NIPAL2: variants seen among roughly 807,000 people sequenced by gnomAD.
The protein encoded by NIPAL2 is NIPA like domain containing 2, also known as NIPA-like protein 2.
Under a neutral mutation model 48.9 loss-of-function variants are expected in NIPAL2, and 43 were observed. That is an observed-to-expected ratio of 0.88 (90% CI 0.69 to 1.13). NIPAL2 has a LOEUF of 1.13. Ranked by LOEUF, NIPAL2 falls within the 50% of genes most tolerant of loss-of-function variation. NIPAL2 has a pLI of 0.00. For synonymous variants in NIPAL2, 167 were observed against 174.6 expected (o/e 0.96, Z 0.34); for missense variants, 446 against 461.4 (o/e 0.97, Z 0.31).
At chr8:98,274,763 G>A (rs77028708) in intron 1 of NIPAL2, among the ~76,000 whole-genome samples, 1 of 151,894 alleles carries the variant, frequency 6.6e-6, no homozygotes. Flanking sequence ...TACACTTATT[G>A]TGATTGTCAA....
chr8:98,286,280 C>CA (rs1816152397), intron 1 of NIPAL2, among the ~76,000 whole-genome samples: 2 of 152,070 alleles, frequency 1.3e-5, no homozygotes, highest in South Asian at 2.1e-4. Flanking sequence ...TATAGCAGCT[C>CA]AAAAAAGACT....
chr8:98,273,141 C>A (rs1022040234), intron 1 of NIPAL2, among the ~76,000 whole-genome samples: 3 of 152,076 alleles, frequency 2.0e-5, no homozygotes, highest in Non-Finnish European at 4.4e-5. Flanking sequence ...AATGAATAAA[C>A]AAATGTGATA....
chr8:98,235,654 A>G (rs538507007), intron 4 of NIPAL2, among the ~76,000 whole-genome samples: 9 of 151,890 alleles, frequency 5.9e-5, no homozygotes, highest in Admixed American at 5.9e-4. Context: ...TTATTATAAT[A>G]ACCCATTATA....
intron 6 of NIPAL2, among the ~76,000 whole-genome samples, chr8:98,210,544 A>G (rs1331248442): frequency 6.6e-6 from 1 of 152,230 alleles, no homozygotes; most frequent in African/African-American, 2.4e-5. Context: ...TAAACGTTAC[A>G]CAGGCACTTG....
At chr8:98,248,173 C>T (rs1813401183) in intron 3 of NIPAL2, among the ~76,000 whole-genome samples, 1 of 152,160 alleles carries the variant, frequency 6.6e-6, no homozygotes, top group Admixed American at 6.5e-5. Flanking sequence ...GTAATTGCTA[C>T]TTAATTAGAT....
At chr8:98,203,001 G>C (rs753013781) in intron 8 of NIPAL2, 107 bp downstream of exon 8, 1 of 837,168 alleles carries the variant, frequency 1.2e-6, no homozygotes, top group African/African-American at 1.7e-5. Context: ...ACCAGGTGGA[G>C]GCAACACAGA....
At chr8:98,223,749 G>A (rs1178633987) in intron 4 of NIPAL2, among the ~76,000 whole-genome samples, 1 of 152,184 alleles carries the variant, frequency 6.6e-6, no homozygotes, top group Non-Finnish European at 1.5e-5. Flanking sequence ...TTCCTATAAT[G>A]TAACAATTTA....
rs1378777512 is a variant in NIPAL2 at position 98,294,128 on chromosome 8, C to G, written c.10G>C (p.Val4Leu). The G allele has an allele frequency of 6.8e-7, 1 of 1,463,062 alleles. No individual in the cohort carries two copies. The highest frequency in any genetic ancestry group is 9.0e-7 in the Non-Finnish European group (1 of 1,106,698). 90.6% of individuals were successfully genotyped at this position (1,463,062 alleles called of 1,614,324 possible). Residue 4 changes from valine to leucine, a missense_variant, in exon 1 of 11, where the codon GTG (valine) becomes CTG (leucine). Val to Leu is a conservative substitution (Grantham distance 32). Coordinates refer to ENST00000430223, the MANE Select transcript of NIPAL2 (RefSeq NM_001321635.2). MAA[V>L]APAGPGDSAS... ...GAGTCCCCGGGGCCCGCGGGCGCCACCGCTGCCATGAGGTCTCGCTCCCGG... is the reference window on the plus strand; with the variant it reads ...GAGTCCCCGGGGCCCGCGGGCGCCAGCGCTGCCATGAGGTCTCGCTCCCGG...
intron 3 of NIPAL2, among the ~76,000 whole-genome samples, chr8:98,239,830 A>G (rs917096760): frequency 6.6e-6 from 1 of 152,242 alleles, no homozygotes; most frequent in Non-Finnish European, 1.5e-5. Context: ...AGCTGTGTTG[A>G]GCAAAAAGGC....
chr8:98,207,805 AAGTATATACCACTT>A (rs748170010), intron 6 of NIPAL2, among the ~76,000 whole-genome samples: 19 of 152,360 alleles, frequency 1.2e-4, no homozygotes, highest in South Asian at 1.2e-3. Context: ...CTCATTTTCC[AAGTATATACCACTT>A]AGGAACCTAT....
At chr8:98,219,063 G>A (rs1197614937) in intron 5 of NIPAL2, among the ~76,000 whole-genome samples, 1 of 152,114 alleles carries the variant, frequency 6.6e-6, no homozygotes, top group Non-Finnish European at 1.5e-5. Flanking sequence ...GTAGGAGTGA[G>A]GAATGAGGGT....
At chr8:98,211,733 AGTGTGTGTGTGT>A (rs1156409051) in intron 6 of NIPAL2, among the ~76,000 whole-genome samples, 3 of 109,146 alleles carry the variant, frequency 2.7e-5, no homozygotes, top group African/African-American at 3.9e-5. Context: ...AGAGAGAGAA[AGTGTGTGTGTGT>A]GTGTGTGTGT....
chr8:98,250,043 G>C (rs1188453950), intron 3 of NIPAL2, among the ~76,000 whole-genome samples: 6 of 151,966 alleles, frequency 3.9e-5, no homozygotes, highest in African/African-American at 1.4e-4. Flanking sequence ...AAAGACTTAA[G>C]GGACTTAACA....
intron 1 of NIPAL2, among the ~76,000 whole-genome samples, chr8:98,254,858 G>A (rs1472985149): frequency 6.6e-6 from 1 of 152,172 alleles, no homozygotes; most frequent in Admixed American, 6.5e-5. Flanking sequence ...GGTCATGCAG[G>A]TATGCCTCTC....
At chr8:98,280,512 C>T (rs1488693446) in intron 1 of NIPAL2, among the ~76,000 whole-genome samples, 3 of 151,528 alleles carry the variant, frequency 2.0e-5, no homozygotes, top group Non-Finnish European at 4.4e-5. Flanking sequence ...CACCAGGGGA[C>T]GTGTCTGAGA....
At chr8:98,205,089 G>T in intron 7 of NIPAL2, 22 bp downstream of exon 7, 1 of 1,610,498 alleles carries the variant, frequency 6.2e-7, no homozygotes, top group Non-Finnish European at 8.5e-7. Flanking sequence ...AAAGATTAGT[G>T]AGTATGCAGA....
chr8:98,223,563 A>G (rs1812007958), intron 4 of NIPAL2, among the ~76,000 whole-genome samples: 1 of 152,246 alleles, frequency 6.6e-6, no homozygotes, highest in Non-Finnish European at 1.5e-5. Flanking sequence ...CATAGACTCC[A>G]ACCTGAAACA....
intron 4 of NIPAL2, among the ~76,000 whole-genome samples, chr8:98,234,245 T>G (rs1243983488): frequency 6.6e-6 from 1 of 152,160 alleles, no homozygotes; most frequent in East Asian, 1.9e-4. Flanking sequence ...ACATATTCTT[T>G]TCTACTTAAA....
At chr8:98,210,766 T>C (rs1456244628) in intron 6 of NIPAL2, among the ~76,000 whole-genome samples, 1 of 152,238 alleles carries the variant, frequency 6.6e-6, no homozygotes, top group African/African-American at 2.4e-5. Context: ...TGATATTTTG[T>C]GGATTGTGCT....
Sources: allele counts gnomAD v4.1 joint callset (sites outside exome capture counted in the v4.1 genomes callset), GRCh38; gene constraint gnomAD v4.1.1; transcripts MANE v1.5; gene names NCBI Gene and HGNC (gene_info 2026-07-23, HGNC 2026-07-21).